The following EVA1C variants were observed in gnomAD, a reference collection of about 807,000 sequenced individuals.
EVA1C encodes protein eva-1 homolog C.
Under a neutral mutation model 45.4 loss-of-function variants are expected in EVA1C, and 25 were observed. The ratio of observed to expected loss-of-function variants is 0.55; its 90% CI spans 0.40 to 0.77. The LOEUF is 0.77. Ranked by LOEUF, EVA1C falls within the 30% of genes least tolerant of loss-of-function variation. The probability of loss-of-function intolerance (pLI) is 0.00; values close to 1 mark genes in which losing one functional copy is unlikely to be tolerated. For synonymous variants in EVA1C, 190 were observed against 221.2 expected (o/e 0.86, Z 1.25); for missense variants, 479 against 554.8 (o/e 0.86, Z 1.37).
chr21:32,432,978 C>T lies in EVA1C; in HGVS notation c.160+19965C>T, dbSNP rs534502426. 5.3e-5 allele frequency among the ~76,000 whole-genome samples: 8 copies of T among 152,358 alleles called. No homozygotes were observed. In the East Asian group the frequency reaches 7.7e-4, roughly 15 times the overall value. Reference sequence around the variant, plus strand: ...AACTCTTGGCTTCAAGGGATCCTCCCGCCTCGGCATCCCAAAGTGTTGAGA... The same window carrying T: ...AACTCTTGGCTTCAAGGGATCCTCCTGCCTCGGCATCCCAAAGTGTTGAGA... On this transcript the variant is annotated intron_variant, in intron 1 of 7. Transcript: ENST00000300255.
At chr21:32,497,061 T>G in intron 5 of EVA1C, 1 of 1,125,200 alleles carries the variant, frequency 8.9e-7, no homozygotes, top group South Asian at 1.2e-5. Context: ...ATGGAAGGAA[T>G]GTCATTGGAC....
At chr21:32,472,132 T>C (rs953443583) in intron 4 of EVA1C, among the ~76,000 whole-genome samples, 22 of 152,156 alleles carry the variant, frequency 1.4e-4, no homozygotes, top group Admixed American at 6.6e-5. Context: ...GAATGGTAGA[T>C]GAAAGTTGGA....
intron 7 of EVA1C, among the ~76,000 whole-genome samples, chr21:32,513,084 A>G (rs1480106628): frequency 6.7e-6 from 1 of 149,552 alleles, no homozygotes; most frequent in Non-Finnish European, 1.5e-5. Context: ...TTATTGTAAT[A>G]TAGTTGTTAC....
chr21:32,463,531 T>G (rs543313625), intron 3 of EVA1C, among the ~76,000 whole-genome samples: 14 of 152,330 alleles, frequency 9.2e-5, no homozygotes, highest in African/African-American at 3.4e-4. Context: ...ACCCCCAGGA[T>G]GTAATGTGAC....
At chr21:32,484,932 C>A (rs1387411421) in intron 4 of EVA1C, among the ~76,000 whole-genome samples, 3 of 152,154 alleles carry the variant, frequency 2.0e-5, no homozygotes, top group African/African-American at 7.2e-5. Context: ...ACAGAAACTT[C>A]CTTGTTTGCC....
intron 4 of EVA1C, 42 bp from the exon 5 acceptor site, chr21:32,494,985 G>A (rs371310278): frequency 1.3e-5 from 21 of 1,606,440 alleles, no homozygotes; most frequent in Non-Finnish European, 1.7e-5. Flanking sequence ...GTGGCCCTGT[G>A]TGGGATGCAA....
At chr21:32,470,329 G>T (rs1305264997) in intron 4 of EVA1C, among the ~76,000 whole-genome samples, 1 of 152,216 alleles carries the variant, frequency 6.6e-6, no homozygotes, top group Non-Finnish European at 1.5e-5. Context: ...TTCCGGGAAG[G>T]CCCTTGTGTC....
chr21:32,442,175 C>T (rs1388828570), intron 1 of EVA1C, among the ~76,000 whole-genome samples: 5 of 152,180 alleles, frequency 3.3e-5, no homozygotes, highest in Non-Finnish European at 7.3e-5. Context: ...TACCTTCTCT[C>T]CTCTGTGGTT....
intron 4 of EVA1C, among the ~76,000 whole-genome samples, chr21:32,484,211 G>A (rs555457771): frequency 1.3e-5 from 2 of 152,066 alleles, no homozygotes; most frequent in East Asian, 1.9e-4. Context: ...AACATAGTTC[G>A]ATGTTGATGC....
chr21:32,501,474 A>G lies in EVA1C; in HGVS notation c.838A>G (p.Lys280Glu), dbSNP rs768169224. Residue 280 changes from lysine to glutamate, a missense_variant, in exon 6 of 8, where the codon AAG becomes GAG. Lys to Glu is a moderately conservative substitution (Grantham distance 56). Around this residue, in one of 3 missense-constraint regions of EVA1C, gnomAD observed 366 missense variants for 426.1 expected, o/e 0.86. Coordinates refer to ENST00000300255, the MANE Select transcript of EVA1C (RefSeq NM_058187.5). ...CATTGCTAATCTAAAACCTTCTTTG[A>G]AGCAGAAAGATGGTGAATATGGTAA... ...PAIANLKPSL[K>E]QKDGEYGINF... 6.3e-7 allele frequency: 1 copy of G among 1,594,044 alleles called. No individual in the cohort carries two copies. Among genetic ancestry groups the G allele is most frequent in the African/African-American group, 1.3e-5 (1 of 74,898 alleles).
intron 1 of EVA1C, among the ~76,000 whole-genome samples, chr21:32,437,556 A>C (rs182376231): frequency 9.1e-4 from 138 of 152,232 alleles, no homozygotes; most frequent in African/African-American, 3.3e-3. Flanking sequence ...GGCACTGCTT[A>C]TTTCTCCAGC....
At chr21:32,448,358 G>A (rs1014889113) in intron 1 of EVA1C, among the ~76,000 whole-genome samples, 10 of 152,284 alleles carry the variant, frequency 6.6e-5, no homozygotes, top group African/African-American at 2.4e-4. Context: ...ATAACTACAG[G>A]TGAAGTTTTC....
At chr21:32,480,558 C>G (rs146462699) in intron 4 of EVA1C, among the ~76,000 whole-genome samples, 9 of 152,182 alleles carry the variant, frequency 5.9e-5, no homozygotes, top group Admixed American at 5.9e-4. Flanking sequence ...GTCCCAGCTA[C>G]TCGGGAGGCT....
intron 4 of EVA1C, among the ~76,000 whole-genome samples, chr21:32,477,513 T>C (rs890757986): frequency 2.6e-5 from 4 of 152,086 alleles, no homozygotes; most frequent in African/African-American, 9.7e-5. Context: ...GGATGGTGGC[T>C]GGGGCTGCAG....
intron 1 of EVA1C, among the ~76,000 whole-genome samples, chr21:32,413,379 G>T (rs897723184): frequency 6.6e-6 from 1 of 152,230 alleles, no homozygotes; most frequent in Non-Finnish European, 1.5e-5. Flanking sequence ...GGTCGGAGGC[G>T]TTGCGCCGCG....
At chr21:32,447,877 G>A (rs1457062694) in intron 1 of EVA1C, among the ~76,000 whole-genome samples, 1 of 151,994 alleles carries the variant, frequency 6.6e-6, no homozygotes. Flanking sequence ...GGCTAATTTT[G>A]TATTTTTAGC....
intron 4 of EVA1C, among the ~76,000 whole-genome samples, chr21:32,479,796 A>T (rs2036711053): frequency 6.6e-6 from 1 of 151,742 alleles, no homozygotes; most frequent in Admixed American, 6.6e-5. Context: ...TACAAAAAAA[A>T]TTTAAAAATT....
At chr21:32,422,044 CAA>C (rs57794940) in intron 1 of EVA1C, among the ~76,000 whole-genome samples, 204 of 92,286 alleles carry the variant, frequency 2.2e-3, no homozygotes, top group African/African-American at 2.1e-3. Flanking sequence ...GACCCTGTCT[CAA>C]AAAAAAAAAA....
chr21:32,430,000 AGTAGCCAT>A (rs2034636268), intron 1 of EVA1C, among the ~76,000 whole-genome samples: 1 of 152,176 alleles, frequency 6.6e-6, no homozygotes. Context: ...TCAAGTGCCC[AGTAGCCAT>A]GTGTGGCCTG....
Sources: allele counts gnomAD v4.1 joint callset (sites outside exome capture counted in the v4.1 genomes callset), GRCh38; gene constraint gnomAD v4.1.1; regional missense constraint gnomAD v4.1.1; transcripts MANE v1.5; gene names NCBI Gene and HGNC (gene_info 2026-07-23, HGNC 2026-07-21).